MIPOL1: variants seen among roughly 807,000 people sequenced by gnomAD.
MIPOL1 encodes mirror-image polydactyly 1.
Under a neutral mutation model 60.9 loss-of-function variants are expected in MIPOL1, and 57 were observed. The observed-to-expected ratio is 0.94, with a 90% CI of 0.76 to 1.17. MIPOL1 has a LOEUF of 1.17. MIPOL1 is among the 50% of genes most tolerant of loss of function. The pLI is 0.00. For missense variants in MIPOL1, 551 were observed against 511.6 expected, an observed-to-expected ratio of 1.08 and a Z score of -0.74; for synonymous variants, 179 against 168.8, an observed-to-expected ratio of 1.06 and a Z score of -0.47.
rs1414238701 is a variant in MIPOL1 at position 37,247,849 on chromosome 14, A to T, written c.-40A>T. On this transcript the variant is annotated 5_prime_UTR_variant, in exon 3 of 13. Coordinates refer to ENST00000684589, the MANE Select transcript of MIPOL1 (RefSeq NM_001388067.1). Reference sequence around the variant, plus strand: ...TTTAGCTGCAAATCTTGGAGCAAAAACCAGAGACATTGCCAGAGCAAACAA... The same window carrying T: ...TTTAGCTGCAAATCTTGGAGCAAAATCCAGAGACATTGCCAGAGCAAACAA... The T allele has an allele frequency of 1.2e-5, 20 of 1,611,202 alleles. No individual in the cohort carries two copies. The Admixed American group carries it at 3.4e-4, about 27-fold the overall frequency.
Position 37,335,806 on chromosome 14 carries a change from C to G in MIPOL1, c.828+27287C>G, listed in dbSNP as rs142232748. ...TATTGTTTGTATATTCTGGATTAAACTCCTTATTTGATATATGATTTACAA... is the reference window on the plus strand; with the variant it reads ...TATTGTTTGTATATTCTGGATTAAAGTCCTTATTTGATATATGATTTACAA... On this transcript the variant is annotated intron_variant, in intron 9 of 12. Transcript: ENST00000684589. Among the ~76,000 whole-genome samples the G allele has an allele frequency of 2.0e-5, 3 of 152,226 alleles. No homozygotes were observed. In the East Asian group the frequency reaches 5.8e-4, roughly 29 times the overall value.
intron 1 of MIPOL1, among the ~76,000 whole-genome samples, chr14:37,221,654 A>G (rs1391626437): frequency 1.3e-5 from 2 of 152,148 alleles, no homozygotes; most frequent in Admixed American, 1.3e-4. Context: ...AGTGCTATAC[A>G]CTTTAAAACA....
At position 37,366,111 on chromosome 14, in the gene MIPOL1, G is replaced by C. The variant is rs529960379; in HGVS notation, c.829-3406G>C. Among the ~76,000 whole-genome samples the C allele has an allele frequency of 3.1e-4, 47 of 150,748 alleles. 1 individual carries two copies. Among genetic ancestry groups the C allele is most frequent in the African/African-American group, 1.1e-3 (47 of 41,224 alleles). On this transcript the variant is annotated intron_variant, in intron 9 of 12. Coordinates refer to ENST00000684589, the MANE Select transcript of MIPOL1 (RefSeq NM_001388067.1). ...TTTTCTCTCCTTTTTTCTTAGTCTG[G>C]CTTTTGTTATATTGATCTCTTGTAT... is the stretch of plus-strand genomic sequence containing the variant.
intron 9 of MIPOL1, among the ~76,000 whole-genome samples, chr14:37,366,934 T>A (rs1184108931): frequency 3.9e-5 from 6 of 152,086 alleles, no homozygotes. Flanking sequence ...AGAGTTTTTG[T>A]CTTGAAATTT....
At chr14:37,502,939 G>C (rs566236024) in intron 12 of MIPOL1, 3 of 152,188 alleles carry the variant, frequency 2.0e-5, no homozygotes, top group Non-Finnish European at 4.4e-5. Flanking sequence ...TGACCTGATG[G>C]AGATGAAAAC....
intron 7 of MIPOL1, 123 bp from the exon 8 acceptor site, chr14:37,307,933 A>G (rs1042158317): frequency 1.9e-5 from 14 of 754,622 alleles, no homozygotes; most frequent in South Asian, 1.6e-4. Flanking sequence ...GTTCAGTGTC[A>G]TGGTTGACTC....
At chr14:37,234,338 C>G (rs1383370684) in intron 1 of MIPOL1, among the ~76,000 whole-genome samples, 1 of 147,440 alleles carries the variant, frequency 6.8e-6, no homozygotes, top group East Asian at 2.0e-4. Flanking sequence ...CTGGTCCCTT[C>G]TTTTTTTCTT....
chr14:37,272,484 C>G (rs1032540201), intron 6 of MIPOL1, among the ~76,000 whole-genome samples: 2 of 151,404 alleles, frequency 1.3e-5, no homozygotes, highest in African/African-American at 4.8e-5. Flanking sequence ...ACTTTTGAAC[C>G]TTTTCATATT....
chr14:37,254,800 G>A (rs745478286), intron 3 of MIPOL1, among the ~76,000 whole-genome samples: 184 of 151,766 alleles, frequency 1.2e-3, no homozygotes, highest in Non-Finnish European at 2.4e-3. Context: ...ATCGTTTCTA[G>A]GAAGAATGAG....
At chr14:37,328,968 T>C (rs1468668984) in intron 9 of MIPOL1, among the ~76,000 whole-genome samples, 5 of 151,924 alleles carry the variant, frequency 3.3e-5, no homozygotes, top group African/African-American at 1.2e-4. Flanking sequence ...CAATGAAAAA[T>C]TACTTCCAAA....
At chr14:37,413,389 C>A (rs1422301070) in intron 10 of MIPOL1, among the ~76,000 whole-genome samples, 1 of 152,158 alleles carries the variant, frequency 6.6e-6, no homozygotes, top group African/African-American at 2.4e-5. Flanking sequence ...ATCCATGTTC[C>A]TTGGCTTGTG....
intron 7 of MIPOL1, among the ~76,000 whole-genome samples, chr14:37,294,683 C>T (rs1313081550): frequency 2.0e-5 from 3 of 151,888 alleles, no homozygotes; most frequent in African/African-American, 4.8e-5. Flanking sequence ...GTAACCGATG[C>T]GATCAACTGG....
At chr14:37,476,886 T>A (rs1191567186) in intron 11 of MIPOL1, among the ~76,000 whole-genome samples, 2 of 150,846 alleles carry the variant, frequency 1.3e-5, no homozygotes, top group African/African-American at 2.4e-5. Context: ...TTTTACTTTC[T>A]TGTAATGTCT....
intron 10 of MIPOL1, among the ~76,000 whole-genome samples, chr14:37,417,313 C>G (rs1391223406): frequency 1.3e-5 from 2 of 152,180 alleles, no homozygotes; most frequent in Non-Finnish European, 2.9e-5. Context: ...TCTTCTCTCT[C>G]TCATCATGTC....
chr14:37,304,506 G>A (rs2086622960), intron 7 of MIPOL1, among the ~76,000 whole-genome samples: 1 of 151,700 alleles, frequency 6.6e-6, no homozygotes. Flanking sequence ...CATGTTAAGT[G>A]TGGTGGTGTG....
intron 12 of MIPOL1, among the ~76,000 whole-genome samples, chr14:37,513,321 C>T (rs1176913592): frequency 6.6e-6 from 1 of 151,998 alleles, no homozygotes; most frequent in Non-Finnish European, 1.5e-5. Flanking sequence ...TCACCTTTCC[C>T]ATCCATCTAT....
chr14:37,232,731 T>A (rs1167299289), intron 1 of MIPOL1, among the ~76,000 whole-genome samples: 1 of 152,206 alleles, frequency 6.6e-6, no homozygotes, highest in Non-Finnish European at 1.5e-5. Flanking sequence ...TTTTCCTCAA[T>A]TTTTCATAAG....
At chr14:37,380,351 G>A (rs1380636793) in intron 10 of MIPOL1, among the ~76,000 whole-genome samples, 2 of 152,034 alleles carry the variant, frequency 1.3e-5, no homozygotes, top group Non-Finnish European at 2.9e-5. Context: ...AGCTAGACCA[G>A]GTTTACAGTC....
intron 1 of MIPOL1, among the ~76,000 whole-genome samples, chr14:37,217,360 A>G (rs1967910169): frequency 6.6e-6 from 1 of 152,222 alleles, no homozygotes. Flanking sequence ...ATTATTCTGA[A>G]AAATAGAGGA....
Sources: allele counts gnomAD v4.1 joint callset (sites outside exome capture counted in the v4.1 genomes callset), GRCh38; gene constraint gnomAD v4.1.1; transcripts MANE v1.5; gene names NCBI Gene and HGNC (gene_info 2026-07-23, HGNC 2026-07-21).